The following MS4A6A variants were observed in gnomAD, a reference collection of about 807,000 sequenced individuals.
The protein encoded by MS4A6A is membrane-spanning 4-domains subfamily A member 6A.
Under a neutral mutation model 20.6 loss-of-function variants are expected in MS4A6A, and 19 were observed. That is an observed-to-expected ratio of 0.92 (90% CI 0.64 to 1.36). The LOEUF (loss-of-function observed/expected upper bound fraction) is 1.36. Among genes scored for constraint, MS4A6A ranks in the 40% most tolerant of loss-of-function variants. The probability of loss-of-function intolerance (pLI) is 0.00; values close to 1 mark genes in which losing one functional copy is unlikely to be tolerated. For synonymous variants in MS4A6A, 108 were observed against 105.0 expected (o/e 1.03, Z -0.17); for missense variants, 272 against 261.1 (o/e 1.04, Z -0.29).
chr11:60,173,908 T>G (rs1435074433), intron 5 of MS4A6A, among the ~76,000 whole-genome samples: 1 of 152,230 alleles, frequency 6.6e-6, no homozygotes, highest in African/African-American at 2.4e-5. Flanking sequence ...TTTGATCACA[T>G]GAAACTTTGG....
At chr11:60,183,426 T>C (rs926916125), upstream of MS4A6A, 11 of 483,966 alleles carry the variant, frequency 2.3e-5, no homozygotes, top group Admixed American at 3.4e-4. Context: ...AAGCTTTCAA[T>C]AACATGTAAC....
chr11:60,181,799 T>A (rs1461699515), intron 1 of MS4A6A, 58 bp from the exon 2 acceptor site: 1 of 1,548,142 alleles, frequency 6.5e-7, no homozygotes, highest in East Asian at 2.2e-5. Flanking sequence ...AGGTTCTGAC[T>A]CCAAAAACAG....
In MS4A6A at chr11:60,172,772, C is replaced by A. The variant is rs867138549; in HGVS notation, c.*229G>T. The A allele has an allele frequency of 2.3e-6, 3 of 1,301,870 alleles. No individual in the cohort carries two copies. Among genetic ancestry groups the A allele is most frequent in the African/African-American group, 1.5e-5 (1 of 66,622 alleles). 80.6% of individuals were successfully genotyped at this position (1,301,870 alleles called of 1,614,324 possible). A position where few individuals can be genotyped will look rare whatever the true frequency, so the allele number is the denominator to read the frequency against. On this transcript the variant is annotated 3_prime_UTR_variant, in exon 6 of 6. Coordinates refer to ENST00000528851, the MANE Select transcript of MS4A6A (RefSeq NM_022349.4). ...TAACTTCCCAGAGTCTCATTCCCTTCGCTGACAAAATAGGAAGATTGAATC... is the reference window on the plus strand; with the variant it reads ...TAACTTCCCAGAGTCTCATTCCCTTAGCTGACAAAATAGGAAGATTGAATC...
In MS4A6A at chr11:60,175,614, G is replaced by A. The variant is rs1424783109; in HGVS notation, c.340-3C>T. The A allele has an allele frequency of 6.2e-7, 1 of 1,612,784 alleles. No homozygotes were observed. The highest frequency in any genetic ancestry group is 2.2e-5 in the East Asian group (1 of 44,874). ...CTTCCAACCAGGCTGCTATGCACCT[G>A]AAAGAGAAATGTTGGGTAAGGATCA... On this transcript the variant is annotated splice_polypyrimidine_tract_variant and splice_region_variant and intron_variant, in intron 4 of 5. Transcript: ENST00000528851.
Position 60,183,012 on chromosome 11 carries a change from C to T in MS4A6A, c.-49G>A. On this transcript the variant is annotated 5_prime_UTR_variant, in exon 1 of 6. Transcript: ENST00000528851. ...TTGGTTCCAGCTGAGTCCTCAGAAG[C>T]TCCAAAGAGGTTTTAACTCTGGTTT... The T allele has an allele frequency of 7.1e-7, 1 of 1,414,420 alleles. No individual in the cohort carries two copies. The highest frequency in any genetic ancestry group is 9.2e-7 in the Non-Finnish European group (1 of 1,092,028). The allele number at this position is 1,414,420 out of a possible 1,614,324, so 87.6% of individuals were successfully genotyped here.
In MS4A6A at chr11:60,179,959, G is replaced by A. The variant is rs769781965; in HGVS notation, c.154C>T (p.Gln52Ter). Residue 52 changes from glutamine to a stop codon, truncating the protein, a stop_gained, in exon 3 of 6, where the codon CAG (glutamine) becomes TAG (stop). Coordinates refer to ENST00000528851, the MANE Select transcript of MS4A6A (RefSeq NM_022349.4). LOFTEE classifies it high-confidence loss of function. ...AATACCATCATGCCACACAAGATCT[G>A]GATAGTCTGTGGGAAGAGAAAGTGA... is the stretch of plus-strand genomic sequence containing the variant. The part of the protein sequence containing the change: ...HAEIKVIGTI[Q>*]ILCGMMVLSL... 6.8e-6 allele frequency: 11 copies of A among 1,613,446 alleles called. No individual in the cohort carries two copies. The highest frequency in any genetic ancestry group is 9.3e-6 in the Non-Finnish European group (11 of 1,179,716).
chr11:60,175,536 G>C lies in MS4A6A; in HGVS notation c.415C>G (p.Gln139Glu), dbSNP rs761142514. 5.6e-6 allele frequency: 9 copies of C among 1,614,018 alleles called. No individual in the cohort carries two copies. Among genetic ancestry groups the C allele is most frequent in the Non-Finnish European group, 7.6e-6 (9 of 1,180,030 alleles). Residue 139 changes from glutamine to glutamate, a missense_variant, in exon 5 of 6, where the codon CAG becomes GAG. By Grantham distance (29) the Gln-to-Glu change is conservative (BLOSUM62 2). Transcript: ENST00000528851. ...AGTGAGGCAGGATTTAAGGTGGCCT[G>C]TTTGACAGACAGGATAATGAAACCC... ...LVGFIILSVK[Q>E]ATLNPASLQC... is the part of the protein sequence containing the mutation.
chr11:60,180,823 C>A (rs1275722729), intron 2 of MS4A6A: 1 of 319,426 alleles, frequency 3.1e-6, no homozygotes, highest in Non-Finnish European at 6.2e-6. Context: ...TTCCTGACAT[C>A]CACCTCAGAG....
intron 4 of MS4A6A, among the ~76,000 whole-genome samples, chr11:60,176,458 C>A (rs1016153290): frequency 6.6e-6 from 1 of 152,184 alleles, no homozygotes; most frequent in Non-Finnish European, 1.5e-5. Flanking sequence ...AATAGATAAA[C>A]TAACCTCAGA....
upstream of MS4A6A, chr11:60,183,245 T>C (rs896786328): frequency 3.5e-6 from 5 of 1,444,894 alleles, no homozygotes; most frequent in East Asian, 2.5e-5. Context: ...TCAGGAGTCA[T>C]GGAGCCTTAT....
upstream of MS4A6A, chr11:60,183,155 T>C (rs774973086): frequency 7.2e-6 from 11 of 1,535,818 alleles, no homozygotes; most frequent in African/African-American, 1.4e-4. Context: ...ATTTGTGAAA[T>C]GTTCCTGCAC....
chr11:60,174,216 C>T (rs1043386793), intron 5 of MS4A6A, among the ~76,000 whole-genome samples: 1 of 152,182 alleles, frequency 6.6e-6, no homozygotes, highest in East Asian at 1.9e-4. Flanking sequence ...GAGTGCTATA[C>T]AAACATGACT....
intron 5 of MS4A6A, among the ~76,000 whole-genome samples, chr11:60,174,138 G>C (rs948138900): frequency 2.0e-5 from 3 of 152,146 alleles, no homozygotes; most frequent in African/African-American, 7.2e-5. Context: ...GCCAATTGCT[G>C]TCAGCCTCAT....
At chr11:60,176,531 G>A (rs1206074720) in intron 4 of MS4A6A, among the ~76,000 whole-genome samples, 1 of 152,070 alleles carries the variant, frequency 6.6e-6, no homozygotes, top group Non-Finnish European at 1.5e-5. Flanking sequence ...TACTCTGAGA[G>A]CTATAGTTAC....
chr11:60,178,965 C>T, intron 3 of MS4A6A: 1 of 279,064 alleles, frequency 3.6e-6, no homozygotes, highest in South Asian at 3.4e-5. Context: ...CCTGAGGAGA[C>T]ATCATGACAA....
intron 1 of MS4A6A, 64 bp downstream of exon 1, chr11:60,182,914 A>T: frequency 1.0e-6 from 1 of 991,216 alleles, no homozygotes; most frequent in Non-Finnish European, 1.3e-6. Flanking sequence ...AAGTTAAATT[A>T]CTCCTCTAAT....
chr11:60,183,188 C>T (rs1223157029), upstream of MS4A6A: 22 of 1,535,606 alleles, frequency 1.4e-5, no homozygotes, highest in Admixed American at 5.9e-5. Flanking sequence ...AAACTTCTAG[C>T]AACTTCAGTA....
chr11:60,177,527 G>A (rs1856903216), intron 4 of MS4A6A: 1 of 151,956 alleles, frequency 6.6e-6, no homozygotes, highest in African/African-American at 2.4e-5. Context: ...AGTTTTTGCT[G>A]GAATAAGGGA....
intron 2 of MS4A6A, 161 bp from the exon 3 acceptor site, chr11:60,180,126 C>T (rs1289272874): frequency 5.6e-6 from 4 of 709,688 alleles, no homozygotes; most frequent in Non-Finnish European, 9.2e-6. Context: ...GAAAAGACAT[C>T]CTGGAGGGTG....
Sources: gnomAD v4.1 joint callset for allele counts (sites outside exome capture counted in the v4.1 genomes callset) on GRCh38, gnomAD v4.1.1 for gene constraint, MANE v1.5 for transcripts, NCBI Gene and HGNC (gene_info 2026-07-23, HGNC 2026-07-21) for gene names.